KANSL1L: variants seen among roughly 807,000 people sequenced by gnomAD.
KANSL1L encodes KAT8 regulatory NSL complex subunit 1-like protein.
A neutral mutation model predicts 108.6 loss-of-function variants in KANSL1L; 25 were observed. That is an observed-to-expected ratio of 0.23 (90% CI 0.17 to 0.32). KANSL1L has a LOEUF of 0.32. KANSL1L is among the 10% of genes least tolerant of loss of function. KANSL1L has a pLI of 1.00. For synonymous variants in KANSL1L, 405 were observed against 395.1 expected, an observed-to-expected ratio of 1.03 and a Z score of -0.30; for missense variants, 1,137 against 1,125.7, an observed-to-expected ratio of 1.01 and a Z score of -0.14.
At position 210,154,156 on chromosome 2, in the gene KANSL1L, T is replaced by A. The variant is rs1425241704; in HGVS notation, c.427A>T (p.Ser143Cys). The A allele has an allele frequency of 6.2e-7, 1 of 1,614,090 alleles. No homozygotes were observed. ...IKKEPLSDTTSQCMKDVQIIL... is the reference protein window; with the variant it reads ...IKKEPLSDTTCQCMKDVQIIL... ...ATTTGTACATCTTTCATGCACTGGC[T>A]CGTGGTATCTGATAGAGGCTCCTTT... The change falls in exon 2 of 15, where the codon AGC becomes TGC. Residue 143 changes from serine to cysteine, a missense_variant. This residue lies in a region of KANSL1L where 556 missense variants were observed against 537.7 expected (regional missense o/e 1.03). Coordinates refer to ENST00000281772, the MANE Select transcript of KANSL1L (RefSeq NM_152519.4).
Position 210,022,873 on chromosome 2 carries a change from G to T in KANSL1L, c.*76C>A, listed in dbSNP as rs927982796. 3.9e-5 allele frequency: 37 copies of T among 949,012 alleles called. No homozygotes were observed. In the African/African-American group the frequency reaches 5.9e-4, roughly 15 times the overall value. The allele number at this position is 949,012 out of a possible 1,614,324, so 58.8% of individuals were successfully genotyped here. On this transcript the variant is annotated 3_prime_UTR_variant, in exon 15 of 15. Coordinates refer to ENST00000281772, the MANE Select transcript of KANSL1L (RefSeq NM_152519.4). ...CAGAACATGCTCTTATTCTGGAGGG[G>T]ATGGGGGATCCAGAACAGGGCTTTA...
chr2:210,145,859 G>A (rs1575612983), intron 2 of KANSL1L, among the ~76,000 whole-genome samples: 1 of 152,174 alleles, frequency 6.6e-6, no homozygotes, highest in Admixed American at 6.5e-5. Flanking sequence ...AGTCTGCAAT[G>A]TGGGTATGCG....
chr2:210,116,730 C>T (rs991540856), intron 3 of KANSL1L, among the ~76,000 whole-genome samples: 4 of 152,046 alleles, frequency 2.6e-5, no homozygotes, highest in Non-Finnish European at 4.4e-5. Context: ...ATCACAACAC[C>T]CAAGGGTGTT....
chr2:210,142,516 G>A (rs184705951), intron 2 of KANSL1L, among the ~76,000 whole-genome samples: 2 of 151,358 alleles, frequency 1.3e-5, no homozygotes, highest in East Asian at 3.9e-4. Flanking sequence ...TTCCTTTCTT[G>A]TACTAATTTT....
At position 210,024,025 on chromosome 2, in the gene KANSL1L, A is replaced by T. The variant is rs747180728; in HGVS notation, c.2733+8T>A. The T allele has an allele frequency of 2.6e-6, 4 of 1,548,500 alleles. No individual in the cohort carries two copies. The highest frequency in any genetic ancestry group is 2.0e-5 in the Admixed American group (1 of 49,886). ...AATGGGAAGTTTAATCATACATATT[A>T]CACTTACCTTGGTTTCTTGACTTTG... On this transcript the variant is annotated splice_region_variant and intron_variant, in intron 14 of 14. Coordinates refer to ENST00000281772, the MANE Select transcript of KANSL1L (RefSeq NM_152519.4).
At position 210,153,745 on chromosome 2, in the gene KANSL1L, T is replaced by C. The variant is rs2095317544; in HGVS notation, c.838A>G (p.Thr280Ala). The change falls in exon 2 of 15, where the codon ACA becomes GCA. Residue 280 changes from threonine to alanine, a missense_variant. Around this residue, in one of 3 missense-constraint regions of KANSL1L, gnomAD observed 556 missense variants for 537.7 expected, o/e 1.03. Coordinates refer to ENST00000281772, the MANE Select transcript of KANSL1L (RefSeq NM_152519.4). ...PKMKTFHEPTTILGNSLPKCT... is the reference protein window; with the variant it reads ...PKMKTFHEPTAILGNSLPKCT... Reference sequence around the variant, plus strand: ...TTAGGTAAACTATTACCCAAAATTGTGGTAGGTTCATGAAATGTCTTCATT... The same window carrying C: ...TTAGGTAAACTATTACCCAAAATTGCGGTAGGTTCATGAAATGTCTTCATT... The C allele has an allele frequency of 1.1e-5, 17 of 1,608,566 alleles. No individual in the cohort carries two copies. Among genetic ancestry groups the C allele is most frequent in the Non-Finnish European group, 1.4e-5 (16 of 1,178,102 alleles).
At chr2:210,167,067 T>C (rs1465494606) in intron 1 of KANSL1L, among the ~76,000 whole-genome samples, 3 of 151,858 alleles carry the variant, frequency 2.0e-5, no homozygotes, top group Admixed American at 1.3e-4. Flanking sequence ...GGATTCAAAG[T>C]TACTGAATTG....
chr2:210,161,874 A>T (rs1052011908), intron 1 of KANSL1L, among the ~76,000 whole-genome samples: 2 of 151,736 alleles, frequency 1.3e-5, no homozygotes, highest in African/African-American at 4.8e-5. Context: ...AAGCATAAAA[A>T]TTTTTTAAAA....
chr2:210,103,928 G>C, intron 4 of KANSL1L, 176 bp downstream of exon 4: 1 of 413,764 alleles, frequency 2.4e-6, no homozygotes, highest in South Asian at 6.9e-5. Flanking sequence ...AAATTATATT[G>C]GTATTATAAT....
intron 8 of KANSL1L, among the ~76,000 whole-genome samples, chr2:210,034,021 C>T (rs1299136105): frequency 6.6e-6 from 1 of 152,092 alleles, no homozygotes; most frequent in Non-Finnish European, 1.5e-5. Flanking sequence ...TCTTGCTCTC[C>T]CAATCCTCTC....
At chr2:210,023,672 G>A (rs1007898971) in intron 14 of KANSL1L, among the ~76,000 whole-genome samples, 1 of 152,170 alleles carries the variant, frequency 6.6e-6, no homozygotes. Flanking sequence ...TTTAAAGTAG[G>A]AACTGGGTCT....
chr2:210,027,645 C>T (rs1283474868), intron 11 of KANSL1L, among the ~76,000 whole-genome samples: 14 of 151,832 alleles, frequency 9.2e-5, no homozygotes, highest in Middle Eastern at 6.9e-3. Flanking sequence ...ACTGGCCTGG[C>T]CAAAAAGTAA....
intron 6 of KANSL1L, among the ~76,000 whole-genome samples, chr2:210,054,195 G>A (rs57949113): frequency 0.017 from 2,586 of 151,666 alleles, 66 homozygotes; most frequent in African/African-American, 0.058. Flanking sequence ...GGTGGCGGGC[G>A]CCTGTAGTCC....
In KANSL1L at chr2:210,029,457, AAAAC is replaced by A. The variant is rs368102633; in HGVS notation, c.2271+342_2271+345del. Among the ~76,000 whole-genome samples the A allele has an allele frequency of 9.2e-3, 1,403 of 152,150 alleles. 21 individuals carry two copies. Among genetic ancestry groups the A allele is most frequent in the African/African-American group, 0.031 (1,276 of 41,534 alleles). ...CTCTATTCCCTGGCCAGATAACAAA[AAAAC>A]AAACAAACAAACAAAAAACAGGACA... On this transcript the variant is annotated intron_variant, in intron 10 of 14. Coordinates refer to ENST00000281772, the MANE Select transcript of KANSL1L (RefSeq NM_152519.4).
Position 210,129,064 on chromosome 2 carries a change from T to A in KANSL1L, c.1197A>T (p.Leu399=). 6.2e-7 allele frequency: 1 copy of A among 1,613,938 alleles called. No homozygotes were observed. Among genetic ancestry groups the A allele is most frequent in the African/African-American group, 1.3e-5 (1 of 75,052 alleles). The part of the protein sequence containing the change: ...ISDLECKIQQ[L]TDIHRQIRAS... The stretch of plus-strand genomic sequence containing the variant: ...CACGAATTTGCCTGTGAATGTCTGT[T>A]AGTTGTTGGATTTTGCATTCTAGGT... Residue 399 remains leucine, a synonymous_variant, in exon 3 of 15, where the codon CTA becomes CTT. Transcript: ENST00000281772.
At chr2:210,164,883 T>C (rs1687839509) in intron 1 of KANSL1L, among the ~76,000 whole-genome samples, 1 of 150,674 alleles carries the variant, frequency 6.6e-6, no homozygotes. Flanking sequence ...TTTTTTGTTT[T>C]GAGATGGAGT....
chr2:210,038,719 G>A lies in KANSL1L; in HGVS notation c.2029+1701C>T, dbSNP rs534496505. Among the ~76,000 whole-genome samples the A allele has an allele frequency of 9.2e-5, 14 of 151,958 alleles. 1 individual carries two copies. The South Asian group carries it at 2.9e-3, about 32-fold the overall frequency. ...GATATCAGTTTTTAATTCTTCCAAA[G>A]AGTCGTTATTTAATGCCTTTGATTA... On this transcript the variant is annotated intron_variant, in intron 8 of 14. Coordinates refer to ENST00000281772, the MANE Select transcript of KANSL1L (RefSeq NM_152519.4).
At chr2:210,118,534 G>A (rs1448462130) in intron 3 of KANSL1L, among the ~76,000 whole-genome samples, 1 of 150,014 alleles carries the variant, frequency 6.7e-6, no homozygotes, top group East Asian at 2.0e-4. Context: ...AAATGAGTAA[G>A]GAGATTAAAT....
chr2:210,091,024 A>G (rs917760528), intron 5 of KANSL1L, among the ~76,000 whole-genome samples: 3 of 152,196 alleles, frequency 2.0e-5, no homozygotes, highest in African/African-American at 7.2e-5. Context: ...TTTCCTTTAG[A>G]CATTTTTCAT....
Sources: gnomAD v4.1 joint callset for allele counts (sites outside exome capture counted in the v4.1 genomes callset) on GRCh38, gnomAD v4.1.1 for gene constraint, gnomAD v4.1.1 regional missense constraint, MANE v1.5 for transcripts, NCBI Gene and HGNC (gene_info 2026-07-23, HGNC 2026-07-21) for gene names.